The following TCTN1 variants were observed in gnomAD, a reference collection of about 807,000 sequenced individuals.
The protein encoded by TCTN1 is tectonic-1.
Under a neutral mutation model 65.8 loss-of-function variants are expected in TCTN1, and 58 were observed. That is an observed-to-expected ratio of 0.88 (90% confidence interval 0.71 to 1.10). The LOEUF (loss-of-function observed/expected upper bound fraction) is 1.10. TCTN1 is among the 50% of genes least tolerant of loss of function. The pLI is 0.00. For synonymous variants in TCTN1, 273 were observed against 289.1 expected, an observed-to-expected ratio of 0.94 and a Z score of 0.57; for missense variants, 645 against 719.4, an observed-to-expected ratio of 0.90 and a Z score of 1.18.
At chr12:110,618,262 A>G (rs2065182389) in intron 1 of TCTN1, among the ~76,000 whole-genome samples, 1 of 150,330 alleles carries the variant, frequency 6.7e-6, no homozygotes, top group Non-Finnish European at 1.5e-5. Context: ...TTTTTTTGAG[A>G]TGGAGTCTCG....
chr12:110,644,582 G>T lies in TCTN1; in HGVS notation c.1332-385G>T, dbSNP rs567609742. On this transcript the variant is annotated intron_variant, in intron 11 of 14. Coordinates refer to ENST00000397659, the MANE Select transcript of TCTN1 (RefSeq NM_001082538.3). The surrounding 1 kb of genome is among the most constrained non-coding windows in gnomAD (Gnocchi z 4.6). ...AGTCCCAGCTACTCAGGAGGCTGAGGCAGGAGAATCACTTGAACCTGGGAG... is the reference window on the plus strand; with the variant it reads ...AGTCCCAGCTACTCAGGAGGCTGAGTCAGGAGAATCACTTGAACCTGGGAG... The T allele has an allele frequency of 5.3e-5, 16 of 301,304 alleles. No individual in the cohort carries two copies. Among genetic ancestry groups the T allele is most frequent in the Non-Finnish European group, 9.6e-5 (15 of 155,794 alleles). 18.7% of individuals were successfully genotyped at this position (301,304 alleles called of 1,614,324 possible). A position where few individuals can be genotyped will look rare whatever the true frequency, so the allele number is the denominator to read the frequency against.
At chr12:110,628,001 C>G in intron 3 of TCTN1, 1 of 1,518,760 alleles carries the variant, frequency 6.6e-7, no homozygotes, top group Non-Finnish European at 8.8e-7. Flanking sequence ...TGTCGTAACA[C>G]CAGCCCAGTG....
At chr12:110,636,388 G>T in intron 6 of TCTN1, 93 bp from the exon 7 acceptor site, 1 of 861,446 alleles carries the variant, frequency 1.2e-6, no homozygotes, top group South Asian at 1.4e-5. Context: ...TTAATAAGAT[G>T]AATATACTCT....
intron 1 of TCTN1, among the ~76,000 whole-genome samples, chr12:110,615,321 A>AT (rs1164596762): frequency 4.6e-5 from 7 of 152,136 alleles, no homozygotes; most frequent in African/African-American, 1.4e-4. Context: ...ACCCGCTAAG[A>AT]TTGAGTGCAA....
At position 110,614,212 on chromosome 12, in the gene TCTN1, G is replaced by C; in HGVS notation, c.30G>C (p.Leu10=). The change falls in exon 1 of 15, where the codon CTG becomes CTC. Residue 10 remains leucine (L), a synonymous_variant. Coordinates refer to ENST00000397659, the MANE Select transcript of TCTN1 (RefSeq NM_001082538.3). ...GGCCGCGAGGTCTCCCGCCGCTCCT[G>C]GTGGTGCTCCTGGGCTGCTGGGCCT... The part of the protein sequence containing the change: MRPRGLPPL[L]VVLLGCWASV... 6.3e-7 allele frequency: 1 copy of C among 1,581,522 alleles called. No homozygotes were observed. Among genetic ancestry groups the C allele is most frequent in the East Asian group, 2.3e-5 (1 of 43,668 alleles).
At chr12:110,623,475 T>A (rs1188071486) in intron 2 of TCTN1, among the ~76,000 whole-genome samples, 1 of 152,206 alleles carries the variant, frequency 6.6e-6, no homozygotes, top group African/African-American at 2.4e-5. Flanking sequence ...TAGAGGGCAA[T>A]CTGGGAGTGT....
Position 110,641,142 on chromosome 12 carries a change from T to C in TCTN1, c.1097T>C (p.Phe366Ser). Residue 366 changes from phenylalanine to serine, a missense_variant, in exon 9 of 15, where the codon TTT becomes TCT. Transcript: ENST00000397659. ...VPLQQKFEIH[F>S]LQENTQPVPL... ...CTGCAGCAAAAGTTTGAAATTCATT[T>C]TCTTCAGGTAAGGTTGATCAATTTG... 1 of 1,614,258 alleles carries C rather than the reference T, an allele frequency of 6.2e-7. No homozygotes were observed. The highest frequency in any genetic ancestry group is 8.5e-7 in the Non-Finnish European group (1 of 1,180,038).
In TCTN1 at chr12:110,647,892, A is replaced by G; in HGVS notation, c.1779A>G (p.Ter593TrpextTer9). The change falls in exon 14 of 15, where the codon TGA becomes TGG. Residue 593 changes from the stop codon to tryptophan (W), a stop_lost and splice_region_variant. Transcript: ENST00000397659. Reference protein sequence around the residue: ...LPFNFFFPFV* With the variant: ...LPFNFFFPFVW ...TTAACTTCTTCTTCCCGTTTGTTTGACGTAAGTGAGGAAACTACGCCCCTC... is the reference window on the plus strand; with the variant it reads ...TTAACTTCTTCTTCCCGTTTGTTTGGCGTAAGTGAGGAAACTACGCCCCTC... 6.2e-7 allele frequency: 1 copy of G among 1,613,296 alleles called. No individual in the cohort carries two copies. Among genetic ancestry groups the G allele is most frequent in the Non-Finnish European group, 8.5e-7 (1 of 1,180,024 alleles).
intron 7 of TCTN1, 147 bp downstream of exon 7, chr12:110,636,648 G>A (rs547495587): frequency 3.7e-6 from 2 of 537,634 alleles, no homozygotes; most frequent in East Asian, 3.5e-5. Flanking sequence ...GCAAGCAGAA[G>A]TGCAATAGGG....
At chr12:110,627,354 C>T (rs1341523592) in intron 3 of TCTN1, among the ~76,000 whole-genome samples, 1 of 152,168 alleles carries the variant, frequency 6.6e-6, no homozygotes, top group Non-Finnish European at 1.5e-5. Flanking sequence ...GCCTCGGCCT[C>T]TCAAAATGCC....
intron 2 of TCTN1, 115 bp from the exon 3 acceptor site, chr12:110,626,247 C>T: frequency 8.2e-7 from 1 of 1,212,616 alleles, no homozygotes; most frequent in South Asian, 1.4e-5. Flanking sequence ...CATAAATATC[C>T]TCCACGTAAC....
intron 2 of TCTN1, among the ~76,000 whole-genome samples, chr12:110,622,486 T>C (rs1181020661): frequency 6.6e-6 from 1 of 152,106 alleles, no homozygotes; most frequent in Non-Finnish European, 1.5e-5. Context: ...GGCAGAGGAA[T>C]GGCATCTAAC....
chr12:110,627,191 G>A (rs1593272748), intron 3 of TCTN1, among the ~76,000 whole-genome samples: 1 of 148,300 alleles, frequency 6.7e-6, no homozygotes, highest in African/African-American at 2.5e-5. Context: ...TCTGCCTCCC[G>A]GGTTCAAGTG....
intron 1 of TCTN1, among the ~76,000 whole-genome samples, chr12:110,617,666 A>C (rs1378616027): frequency 7.0e-6 from 1 of 142,942 alleles, no homozygotes; most frequent in Admixed American, 7.0e-5. Context: ...TTTGAGATGG[A>C]ATCTTGCCCT....
chr12:110,648,023 G>A, intron 14 of TCTN1, 130 bp downstream of exon 14: 7 of 1,367,090 alleles, frequency 5.1e-6, no homozygotes, highest in Non-Finnish European at 7.1e-6. Context: ...CCAGGCTGGA[G>A]TGCAGTGGTG....
intron 3 of TCTN1, chr12:110,627,956 T>C: frequency 7.7e-7 from 1 of 1,296,196 alleles, no homozygotes; most frequent in Non-Finnish European, 1.1e-6. Context: ...ATTTGTAATC[T>C]GAAGTGATAA....
chr12:110,626,519 G>A, intron 3 of TCTN1, 27 bp downstream of exon 3: 2 of 1,603,222 alleles, frequency 1.2e-6, no homozygotes, highest in Non-Finnish European at 1.7e-6. Flanking sequence ...GATATATTTT[G>A]TGAAGCTCTG....
Position 110,649,123 on chromosome 12 carries a change from A to G in TCTN1, c.*82A>G, listed in dbSNP as rs1446698875. On this transcript the variant is annotated 3_prime_UTR_variant, in exon 15 of 15. Transcript: ENST00000397659. Reference sequence around the variant, plus strand: ...TCGGTGAGATTAAATTTTATATACAACTAGCAATTGTCCAGCTTTGTTGCT... The same window carrying G: ...TCGGTGAGATTAAATTTTATATACAGCTAGCAATTGTCCAGCTTTGTTGCT... 2 of 663,164 alleles carry G rather than the reference A, an allele frequency of 3.0e-6. No individual in the cohort carries two copies. The highest frequency in any genetic ancestry group is 2.9e-5 in the East Asian group (1 of 34,064). The allele number at this position is 663,164 out of a possible 1,614,324, so 41.1% of individuals were successfully genotyped here. A position where few individuals can be genotyped will look rare whatever the true frequency, so the allele number is the denominator to read the frequency against.
intron 6 of TCTN1, among the ~76,000 whole-genome samples, chr12:110,635,132 T>A (rs1263746337): frequency 6.6e-6 from 1 of 152,134 alleles, no homozygotes; most frequent in East Asian, 1.9e-4. Flanking sequence ...CAAAAAGGGC[T>A]CCCTCTCAGA....
Sources: gnomAD v4.1 joint callset for allele counts (sites outside exome capture counted in the v4.1 genomes callset) on GRCh38, gnomAD v4.1.1 for gene constraint, Gnocchi (gnomAD v3.1) non-coding constraint, MANE v1.5 for transcripts, NCBI Gene and HGNC (gene_info 2026-07-23, HGNC 2026-07-21) for gene names.